The following SLIT3 variants were observed in gnomAD, a reference collection of about 807,000 sequenced individuals.
SLIT3 encodes slit guidance ligand 3, also known as slit homolog 3 protein.
A neutral mutation model predicts 184.0 loss-of-function variants in SLIT3; 68 were observed. That is an observed-to-expected ratio of 0.37 (90% CI 0.30 to 0.45). The LOEUF is 0.45. Ranked by LOEUF, SLIT3 falls within the 20% of genes least tolerant of loss-of-function variation. The probability of loss-of-function intolerance (pLI) is 1.00; values close to 1 mark genes in which losing one functional copy is unlikely to be tolerated. For missense variants in SLIT3, 1,707 were observed against 2,026.0 expected (o/e 0.84, Z 3.02); for synonymous variants, 831 against 828.6 (o/e 1.00, Z -0.05).
chr5:168,842,479 T>TGTTTG (rs1554147709), intron 6 of SLIT3, among the ~76,000 whole-genome samples: 1 of 145,450 alleles, frequency 6.9e-6, no homozygotes, highest in African/African-American at 2.6e-5. Flanking sequence ...GTTTTTTTTT[T>TGTTTG]TTTTTTTTGT....
intron 6 of SLIT3, among the ~76,000 whole-genome samples, chr5:168,830,097 C>T (rs1757832977): frequency 6.6e-6 from 1 of 152,162 alleles, no homozygotes; most frequent in African/African-American, 2.4e-5. Context: ...CACTCAGGTC[C>T]TAAGAGTGAT....
At chr5:169,259,717 T>C (rs1469000255) in intron 1 of SLIT3, among the ~76,000 whole-genome samples, 4 of 152,182 alleles carry the variant, frequency 2.6e-5, no homozygotes, top group Admixed American at 2.0e-4. Flanking sequence ...GAGATCCTTG[T>C]GATGGGTAGG....
chr5:168,999,263 C>A (rs569879447), intron 4 of SLIT3, among the ~76,000 whole-genome samples: 1 of 152,190 alleles, frequency 6.6e-6, no homozygotes, highest in Admixed American at 6.5e-5. Flanking sequence ...GGTTCAAGAC[C>A]TCTGGCTCTG....
At chr5:168,732,892 T>C (rs1282511724) in intron 20 of SLIT3, among the ~76,000 whole-genome samples, 3 of 152,106 alleles carry the variant, frequency 2.0e-5, no homozygotes, top group Non-Finnish European at 4.4e-5. Flanking sequence ...AAAAACTCTT[T>C]TGGACATTGG....
chr5:169,267,166 C>G (rs1766426661), intron 1 of SLIT3, among the ~76,000 whole-genome samples: 1 of 151,970 alleles, frequency 6.6e-6, no homozygotes, highest in Non-Finnish European at 1.5e-5. Flanking sequence ...CAAATAGAGG[C>G]ACAGGGAGAT....
Position 168,772,956 on chromosome 5 carries a change from A to T in SLIT3, c.1296-12T>A. The T allele has an allele frequency of 1.3e-6, 2 of 1,585,912 alleles. No homozygotes were observed. Among genetic ancestry groups the T allele is most frequent in the Non-Finnish European group, 1.7e-6 (2 of 1,164,460 alleles). ...TTTGGGCTAAGTGGCTGCGAGAGGG[A>T]TGGGGCCGTTAATCAGGAGTGACCC... On this transcript the variant is annotated splice_polypyrimidine_tract_variant and intron_variant, in intron 13 of 35. Coordinates refer to ENST00000519560, the MANE Select transcript of SLIT3 (RefSeq NM_003062.4).
At chr5:169,192,246 T>C (rs1424586192) in intron 4 of SLIT3, among the ~76,000 whole-genome samples, 3 of 152,074 alleles carry the variant, frequency 2.0e-5, no homozygotes, top group Non-Finnish European at 4.4e-5. Flanking sequence ...TTTAGCAAAG[T>C]CAGCTAGGGC....
chr5:168,834,033 T>C (rs939953902), intron 6 of SLIT3, among the ~76,000 whole-genome samples: 1 of 152,200 alleles, frequency 6.6e-6, no homozygotes, highest in African/African-American at 2.4e-5. Flanking sequence ...AGTCTGGAAG[T>C]CACAACTAGC....
chr5:168,725,191 G>C (rs796529447), intron 20 of SLIT3, among the ~76,000 whole-genome samples: 22 of 152,250 alleles, frequency 1.4e-4, no homozygotes, highest in African/African-American at 5.3e-4. Flanking sequence ...GACTCCTTCT[G>C]GACATGCAAA....
chr5:168,849,711 T>G (rs2113724724), intron 5 of SLIT3, among the ~76,000 whole-genome samples: 1 of 152,372 alleles, frequency 6.6e-6, no homozygotes, highest in Non-Finnish European at 1.5e-5. Context: ...TAAGGGAATT[T>G]AAACACCTAA....
At chr5:169,154,863 G>A (rs1179525489) in intron 4 of SLIT3, among the ~76,000 whole-genome samples, 2 of 152,176 alleles carry the variant, frequency 1.3e-5, no homozygotes, top group African/African-American at 2.4e-5. Flanking sequence ...TCAGCAGAAC[G>A]TTCTTCTTGA....
intron 35 of SLIT3, among the ~76,000 whole-genome samples, chr5:168,668,784 C>T (rs1761138629): frequency 6.6e-6 from 1 of 152,156 alleles, no homozygotes; most frequent in East Asian, 1.9e-4. Flanking sequence ...AAGTATGCTG[C>T]TCAATGTCAT....
intron 4 of SLIT3, among the ~76,000 whole-genome samples, chr5:169,113,712 G>T (rs753256184): frequency 6.9e-6 from 1 of 145,470 alleles, no homozygotes; most frequent in Non-Finnish European, 1.5e-5. Context: ...TTGGAGTGCA[G>T]TGGCTCGATC....
intron 1 of SLIT3, among the ~76,000 whole-genome samples, chr5:169,289,925 A>G (rs372220404): frequency 6.6e-6 from 1 of 152,014 alleles, no homozygotes; most frequent in East Asian, 1.9e-4. Context: ...ATACTAGGGC[A>G]TATGCTAGAA....
At chr5:168,790,526 G>A (rs370230771) in intron 10 of SLIT3, 3 of 152,282 alleles carry the variant, frequency 2.0e-5, no homozygotes, top group African/African-American at 7.2e-5. Context: ...TTCACTGAGG[G>A]GAAATTCTTT....
intron 5 of SLIT3, among the ~76,000 whole-genome samples, chr5:168,849,413 G>C: frequency 6.6e-6 from 1 of 152,222 alleles, no homozygotes; most frequent in East Asian, 1.9e-4. Flanking sequence ...ACCCTTTAGA[G>C]TTTAACAATT....
chr5:169,053,711 T>C (rs1357606315), intron 4 of SLIT3, among the ~76,000 whole-genome samples: 1 of 151,562 alleles, frequency 6.6e-6, no homozygotes, highest in Non-Finnish European at 1.5e-5. Context: ...TTCTTTTCAT[T>C]CACTCCCTGT....
Position 168,664,150 on chromosome 5 carries a change from A to ATATC in SLIT3, c.*2300_*2303dup, listed in dbSNP as rs762239369. 1.3e-5 allele frequency: 2 copies of ATATC among 152,220 alleles called. No individual in the cohort carries two copies. Among genetic ancestry groups the ATATC allele is most frequent in the East Asian group, 3.9e-4 (2 of 5,194 alleles). The allele number at this position is 152,220 out of a possible 1,614,324, so 9.4% of individuals were successfully genotyped here. On this transcript the variant is annotated 3_prime_UTR_variant, in exon 36 of 36. Coordinates refer to ENST00000519560, the MANE Select transcript of SLIT3 (RefSeq NM_003062.4). ...GTTGTTTCAATAATTAAATGAATAT[A>ATATC]TATCTATTTCACAATTAGAGTGGTA...
chr5:168,823,170 G>A (rs1757588086), intron 7 of SLIT3, 90 bp downstream of exon 7: 3 of 999,742 alleles, frequency 3.0e-6, no homozygotes, highest in Middle Eastern at 2.0e-4. Flanking sequence ...CCTAGTCATA[G>A]CATGGTAGGT....
Sources: allele counts gnomAD v4.1 joint callset (sites outside exome capture counted in the v4.1 genomes callset), GRCh38; gene constraint gnomAD v4.1.1; transcripts MANE v1.5; gene names NCBI Gene and HGNC (gene_info 2026-07-23, HGNC 2026-07-21).